SEM1: variants seen among roughly 807,000 people sequenced by gnomAD.
SEM1 encodes SEM1 26S proteasome subunit.
In SEM1, 3 loss-of-function variants were observed where a neutral mutation model predicts 12.7. That is an observed-to-expected ratio of 0.24 (90% CI 0.11 to 0.61). The LOEUF (loss-of-function observed/expected upper bound fraction) is 0.61. Among genes scored for constraint, SEM1 ranks in the 20% least tolerant of loss-of-function variants. The pLI is 0.88. For synonymous variants in SEM1, 30 were observed against 27.8 expected (o/e 1.08, Z -0.25); for missense variants, 59 against 81.3 (o/e 0.73, Z 1.06).
At chr7:96,578,651 A>T (rs748297581) in intron 2 of SEM1, among the ~76,000 whole-genome samples, 9 of 152,254 alleles carry the variant, frequency 5.9e-5, no homozygotes, top group Non-Finnish European at 8.8e-5. Context: ...ATTGGTAAAG[A>T]TATGGGAAAA....
intron 2 of SEM1, 28 bp downstream of exon 2, chr7:96,694,770 T>C (rs755816397): frequency 2.9e-6 from 4 of 1,385,016 alleles, no homozygotes; most frequent in Non-Finnish European, 4.1e-6. Context: ...AATACTGAAC[T>C]ACAATAAAAA....
chr7:96,693,760 T>TGTGTGTGTGTGTG (rs1790002060), intron 2 of SEM1, among the ~76,000 whole-genome samples: 13 of 139,568 alleles, frequency 9.3e-5, no homozygotes, highest in East Asian at 2.1e-4. Flanking sequence ...ACAATTCCAC[T>TGTGTGTGTGTGTG]TGTGTGTGTG....
chr7:96,548,201 GGAGTTTCCAT>G (rs1188102570), intron 2 of SEM1, among the ~76,000 whole-genome samples: 4 of 152,062 alleles, frequency 2.6e-5, no homozygotes, highest in Non-Finnish European at 4.4e-5. Context: ...TATTTTCACA[GGAGTTTCCAT>G]GATTTTCGAT....
At chr7:96,650,197 G>T in intron 2 of SEM1, 1 of 343,672 alleles carries the variant, frequency 2.9e-6, no homozygotes, top group Middle Eastern at 8.2e-4. Context: ...TTCCATAACT[G>T]ACTTGACCAC....
At chr7:96,683,885 C>G (rs183497542), downstream of SEM1, among the ~76,000 whole-genome samples, 60 of 151,896 alleles carry the variant, frequency 4.0e-4, no homozygotes, top group Admixed American at 6.6e-5. Context: ...CAGGGGGTGG[C>G]GGACTAGGGG....
At chr7:96,694,255 T>C (rs1179679837) in intron 2 of SEM1, among the ~76,000 whole-genome samples, 2 of 151,968 alleles carry the variant, frequency 1.3e-5, no homozygotes, top group African/African-American at 4.8e-5. Flanking sequence ...CTGAAAATAC[T>C]GGAACTAAAT....
intron 2 of SEM1, chr7:96,645,410 G>C (rs2116412566): frequency 5.2e-6 from 1 of 192,522 alleles, no homozygotes; most frequent in East Asian, 1.2e-4. Context: ...CCCAGACAAA[G>C]TAGGTCAGGG....
intron 2 of SEM1, among the ~76,000 whole-genome samples, chr7:96,600,137 TAATC>T (rs1385662146): frequency 6.6e-6 from 1 of 152,196 alleles, no homozygotes; most frequent in Non-Finnish European, 1.5e-5. Flanking sequence ...GCCTTTATTT[TAATC>T]AGTCTATATA....
At chr7:96,524,520 C>A (rs988730677) in intron 2 of SEM1, among the ~76,000 whole-genome samples, 5 of 151,930 alleles carry the variant, frequency 3.3e-5, no homozygotes, top group African/African-American at 1.2e-4. Flanking sequence ...TAAATCAGTG[C>A]TGTCCAATAA....
intron 1 of SEM1, among the ~76,000 whole-genome samples, chr7:96,703,585 A>C (rs995162232): frequency 3.9e-5 from 6 of 152,172 alleles, no homozygotes; most frequent in African/African-American, 1.2e-4. Flanking sequence ...AACAGAAAAA[A>C]AACAACAAAA....
intron 1 of SEM1, chr7:96,496,230 G>A (rs1033075325): frequency 2.1e-5 from 23 of 1,109,054 alleles, no homozygotes; most frequent in Middle Eastern, 2.0e-4. Context: ...AACTCATGTA[G>A]AGGATTATAT....
chr7:96,551,586 T>A (rs1805273368), intron 2 of SEM1, among the ~76,000 whole-genome samples: 2 of 150,358 alleles, frequency 1.3e-5, no homozygotes. Flanking sequence ...GCACCTGGAG[T>A]CCCAGCCATT....
intron 2 of SEM1, among the ~76,000 whole-genome samples, chr7:96,516,209 T>G (rs1804091188): frequency 6.6e-6 from 1 of 152,054 alleles, no homozygotes; most frequent in Non-Finnish European, 1.5e-5. Flanking sequence ...ACCAAAATCA[T>G]GATCCAACAA....
chr7:96,590,317 T>C (rs1239965244), intron 2 of SEM1, among the ~76,000 whole-genome samples: 21 of 152,170 alleles, frequency 1.4e-4, no homozygotes, highest in Non-Finnish European at 4.4e-5. Flanking sequence ...TAACAAATAG[T>C]TCATTTTTAT....
intron 2 of SEM1, among the ~76,000 whole-genome samples, chr7:96,525,230 C>T (rs1804412728): frequency 6.6e-6 from 1 of 151,290 alleles, no homozygotes; most frequent in Non-Finnish European, 1.5e-5. Context: ...TTTTCTTATT[C>T]TCATCATTGA....
intron 2 of SEM1, chr7:96,656,586 C>T (rs1295842452): frequency 7.1e-6 from 1 of 140,918 alleles, no homozygotes; most frequent in Non-Finnish European, 1.5e-5. Flanking sequence ...AGTTTAGGAC[C>T]TAGTAAAAAA....
downstream of SEM1, chr7:96,688,643 T>TAA (rs890881001): frequency 3.5e-4 from 68 of 194,004 alleles, no homozygotes; most frequent in East Asian, 4.7e-4. Flanking sequence ...CAGTTAACAT[T>TAA]AAAAAAAAAA....
intron 2 of SEM1, among the ~76,000 whole-genome samples, chr7:96,575,195 GT>G (rs201573589): frequency 0.042 from 6,349 of 152,220 alleles, 192 homozygotes; most frequent in Admixed American, 0.087. Context: ...CTTTCTATTT[GT>G]TAGTTTTCCT....
At chr7:96,624,103 A>G (rs1807981188) in intron 2 of SEM1, among the ~76,000 whole-genome samples, 1 of 152,164 alleles carries the variant, frequency 6.6e-6, no homozygotes, top group Non-Finnish European at 1.5e-5. Flanking sequence ...ATCTTTTAAC[A>G]TATAAGGTAA....
Sources: gnomAD v4.1 joint callset for allele counts (sites outside exome capture counted in the v4.1 genomes callset) on GRCh38, gnomAD v4.1.1 for gene constraint, MANE v1.5 for transcripts, NCBI Gene and HGNC (gene_info 2026-07-23, HGNC 2026-07-21) for gene names.